Variants in RBFOX1 observed in about 807,000 individuals in gnomAD.
RBFOX1 encodes the protein RNA binding protein fox-1 homolog 1.
Under a neutral mutation model 57.7 loss-of-function variants are expected in RBFOX1, and 8 were observed. That is an observed-to-expected ratio of 0.14 (90% CI 0.08 to 0.25). The LOEUF is 0.25. Ranked by LOEUF, RBFOX1 falls within the 10% of genes least tolerant of loss-of-function variation. The pLI, the probability that RBFOX1 is intolerant of heterozygous loss-of-function variation, is 1.00. For missense variants in RBFOX1, 611 were observed against 548.5 expected, an observed-to-expected ratio of 1.11 and a Z score of -1.14; for synonymous variants, 326 against 222.4, an observed-to-expected ratio of 1.47 and a Z score of -4.15.
intron 5 of RBFOX1, among the ~76,000 whole-genome samples, chr16:7,541,226 C>T (rs555347949): frequency 2.0e-5 from 3 of 152,284 alleles, no homozygotes; most frequent in South Asian, 4.2e-4. Context: ...TAAAAATAAG[C>T]CATTCAGCAA....
chr16:6,783,894 C>T (rs956513738), intron 3 of RBFOX1, among the ~76,000 whole-genome samples: 8 of 152,074 alleles, frequency 5.3e-5, no homozygotes, highest in African/African-American at 1.7e-4. Flanking sequence ...ACGTTTGAAG[C>T]ATAACTATGC....
intron 4 of RBFOX1, among the ~76,000 whole-genome samples, chr16:7,066,682 T>C (rs370376633): frequency 4.5e-4 from 68 of 152,192 alleles, no homozygotes; most frequent in African/African-American, 1.6e-3. Context: ...TGTGTTCTAA[T>C]TTAAGGTCCT....
intron 4 of RBFOX1, among the ~76,000 whole-genome samples, chr16:7,240,558 T>G (rs867005697): frequency 1.6e-4 from 24 of 152,196 alleles, no homozygotes; most frequent in African/African-American, 5.8e-4. Flanking sequence ...TTGTTTGTTT[T>G]TGTTTGTTTG....
intron 2 of RBFOX1, among the ~76,000 whole-genome samples, chr16:6,343,637 A>G (rs2084901078): frequency 6.6e-6 from 1 of 152,212 alleles, no homozygotes; most frequent in African/African-American, 2.4e-5. Context: ...CATGCTTCCT[A>G]TAGATGTAGA....
chr16:5,605,771 A>C (rs2151224409), intron 3 of RBFOX1, among the ~76,000 whole-genome samples: 1 of 151,956 alleles, frequency 6.6e-6, no homozygotes, highest in East Asian at 1.9e-4. Context: ...AGGAATGGAG[A>C]GTGGCACCAT....
chr16:6,821,670 CATA>C (rs1000965520), intron 3 of RBFOX1, among the ~76,000 whole-genome samples: 139 of 152,282 alleles, frequency 9.1e-4, no homozygotes, highest in Middle Eastern at 6.8e-3. Context: ...CTTCTTTCAG[CATA>C]ATGTTTGCAA....
chr16:5,454,949 TCC>T (rs1567535797), intron 1 of RBFOX1, among the ~76,000 whole-genome samples: 1,054 of 53,810 alleles, frequency 0.02, 8 homozygotes, highest in Middle Eastern at 0.045. Context: ...CTTCCTTCCT[TCC>T]TTCCTTCCTT....
intron 1 of RBFOX1, among the ~76,000 whole-genome samples, chr16:6,278,377 CAAAAAAAAAAAAAAAAA>C (rs57523660): frequency 0.065 from 1,840 of 28,256 alleles, 127 homozygotes; most frequent in African/African-American, 0.22. Flanking sequence ...TAGGACTCAC[CAAAAAAAAAAAAAAAAA>C]AAAAAAAAAA....
At chr16:7,695,581 G>C (rs566663929) in intron 14 of RBFOX1, among the ~76,000 whole-genome samples, 56 of 150,930 alleles carry the variant, frequency 3.7e-4, no homozygotes, top group African/African-American at 1.2e-3. Context: ...GAACTGGGGA[G>C]GCGGAGGTTG....
intron 1 of RBFOX1, among the ~76,000 whole-genome samples, chr16:6,058,984 C>G (rs796197624): frequency 8.3e-4 from 127 of 152,208 alleles, no homozygotes; most frequent in African/African-American, 3.0e-3. Context: ...GACTCTGTAG[C>G]TGGAAAACCA....
intron 2 of RBFOX1, among the ~76,000 whole-genome samples, chr16:6,418,618 G>C (rs2093691738): frequency 6.7e-6 from 1 of 148,658 alleles, no homozygotes; most frequent in Non-Finnish European, 1.5e-5. Context: ...CTAACTCCTG[G>C]GTTCAAGTGA....
intron 1 of RBFOX1, among the ~76,000 whole-genome samples, chr16:6,209,948 C>G (rs2097282086): frequency 6.6e-6 from 1 of 152,068 alleles, no homozygotes; most frequent in Non-Finnish European, 1.5e-5. Context: ...ATTTCTGTCT[C>G]TAGACTTTTT....
intron 2 of RBFOX1, among the ~76,000 whole-genome samples, chr16:5,487,221 G>T (rs191705425): frequency 1.3e-5 from 2 of 152,282 alleles, no homozygotes; most frequent in East Asian, 3.9e-4. Context: ...TCTGGCTATT[G>T]TCCAAGTGCC....
At chr16:5,612,309 C>A (rs1338546608) in intron 3 of RBFOX1, among the ~76,000 whole-genome samples, 1 of 152,062 alleles carries the variant, frequency 6.6e-6, no homozygotes, top group Admixed American at 6.5e-5. Flanking sequence ...ACCCACTTTC[C>A]CATCTACTCA....
At chr16:7,173,937 G>T (rs1475696069) in intron 4 of RBFOX1, among the ~76,000 whole-genome samples, 1 of 152,212 alleles carries the variant, frequency 6.6e-6, no homozygotes, top group Non-Finnish European at 1.5e-5. Context: ...CACCCTGGGT[G>T]ACGCAGAGAA....
At chr16:5,781,510 T>TA (rs1209589366) in intron 3 of RBFOX1, among the ~76,000 whole-genome samples, 1 of 152,196 alleles carries the variant, frequency 6.6e-6, no homozygotes, top group African/African-American at 2.4e-5. Flanking sequence ...AAATGTTCTC[T>TA]AGGAAAGGAA....
intron 2 of RBFOX1, among the ~76,000 whole-genome samples, chr16:6,509,141 C>T (rs1310176481): frequency 6.6e-6 from 1 of 152,102 alleles, no homozygotes; most frequent in Non-Finnish European, 1.5e-5. Flanking sequence ...TCTTAAGTAA[C>T]CCTTAACCTT....
At chr16:7,083,081 C>T (rs950023824) in intron 4 of RBFOX1, among the ~76,000 whole-genome samples, 1 of 149,822 alleles carries the variant, frequency 6.7e-6, no homozygotes, top group African/African-American at 2.5e-5. Flanking sequence ...GAAAATGTCA[C>T]TCTGCTCATT....
chr16:6,769,693 C>T (rs2077980924), intron 3 of RBFOX1, among the ~76,000 whole-genome samples: 1 of 152,176 alleles, frequency 6.6e-6, no homozygotes, highest in African/African-American at 2.4e-5. Flanking sequence ...ATGTTCCCTG[C>T]TGATGTAGGA....
Sources: allele counts gnomAD v4.1 joint callset (sites outside exome capture counted in the v4.1 genomes callset), GRCh38; gene constraint gnomAD v4.1.1; transcripts MANE v1.5; gene names NCBI Gene and HGNC (gene_info 2026-07-23, HGNC 2026-07-21).